The following MNAT1 variants were observed in gnomAD, a reference collection of about 807,000 sequenced individuals.
The protein encoded by MNAT1 is CDK-activating kinase assembly factor MAT1.
MNAT1 carries 43 observed loss-of-function variants against 42.0 expected under a neutral mutation model. That is an observed-to-expected ratio of 1.02 (90% CI 0.80 to 1.32). The LOEUF is 1.32. Among genes scored for constraint, MNAT1 ranks in the 40% most tolerant of loss-of-function variants. The pLI is 0.00. For synonymous variants in MNAT1, 118 were observed against 120.0 expected (o/e 0.98, Z 0.11); for missense variants, 306 against 350.4 (o/e 0.87, Z 1.01).
At chr14:60,952,420 G>A (rs1566577067) in intron 7 of MNAT1, among the ~76,000 whole-genome samples, 1 of 152,172 alleles carries the variant, frequency 6.6e-6, no homozygotes, top group Non-Finnish European at 1.5e-5. Context: ...TGTAAATAGG[G>A]AGATCAATTA....
At chr14:60,930,052 C>T (rs891398830) in intron 7 of MNAT1, among the ~76,000 whole-genome samples, 1 of 151,780 alleles carries the variant, frequency 6.6e-6, no homozygotes, top group Non-Finnish European at 1.5e-5. Context: ...AAACTGGCTT[C>T]CTTAATTACT....
At chr14:60,843,038 A>G (rs1038653941) in intron 6 of MNAT1, among the ~76,000 whole-genome samples, 2 of 152,198 alleles carry the variant, frequency 1.3e-5, no homozygotes, top group East Asian at 1.9e-4. Flanking sequence ...CTGTTTAGCA[A>G]TTCTCTTGTT....
At chr14:60,785,167 A>C (rs1352081218) in intron 1 of MNAT1, among the ~76,000 whole-genome samples, 13 of 152,226 alleles carry the variant, frequency 8.5e-5, no homozygotes, top group Admixed American at 8.5e-4. Flanking sequence ...GTGAACATTT[A>C]CTATGTATCA....
intron 6 of MNAT1, among the ~76,000 whole-genome samples, chr14:60,877,491 A>G (rs113835985): frequency 2.0e-5 from 3 of 152,222 alleles, no homozygotes; most frequent in African/African-American, 4.8e-5. Context: ...AATAAAATAG[A>G]TAATGTGTAC....
intron 1 of MNAT1, among the ~76,000 whole-genome samples, chr14:60,766,732 G>A (rs1464522647): frequency 1.3e-5 from 2 of 152,120 alleles, no homozygotes; most frequent in Non-Finnish European, 2.9e-5. Flanking sequence ...ATCTTTTTGA[G>A]AAACTTTTAG....
chr14:60,838,153 T>C (rs561277505), intron 6 of MNAT1, among the ~76,000 whole-genome samples: 2 of 152,204 alleles, frequency 1.3e-5, no homozygotes, highest in South Asian at 4.2e-4. Context: ...TTCTTTTTTT[T>C]AGGCAGTATC....
chr14:60,824,411 G>T (rs1017786778), intron 6 of MNAT1, among the ~76,000 whole-genome samples: 8 of 152,062 alleles, frequency 5.3e-5, no homozygotes, highest in Non-Finnish European at 5.9e-5. Flanking sequence ...TATGATTGTG[G>T]CTATGTAGGT....
chr14:60,741,714 C>T (rs1379696290), intron 1 of MNAT1, among the ~76,000 whole-genome samples: 2 of 115,154 alleles, frequency 1.7e-5, no homozygotes, highest in Non-Finnish European at 1.7e-5. Flanking sequence ...TGCTATGTTT[C>T]CCAAGCTGGT....
At chr14:60,881,221 G>A (rs1053822906) in intron 7 of MNAT1, among the ~76,000 whole-genome samples, 1 of 152,098 alleles carries the variant, frequency 6.6e-6, no homozygotes, top group Admixed American at 6.5e-5. Context: ...GTCTCACTTT[G>A]TCACCCAGGC....
At chr14:60,774,851 G>A (rs1196454877) in intron 1 of MNAT1, among the ~76,000 whole-genome samples, 1 of 152,192 alleles carries the variant, frequency 6.6e-6, no homozygotes, top group Non-Finnish European at 1.5e-5. Flanking sequence ...GGGAGGAGCA[G>A]ATAGAGCAGT....
At chr14:60,739,571 C>G (rs114086922) in intron 1 of MNAT1, among the ~76,000 whole-genome samples, 290 of 152,206 alleles carry the variant, frequency 1.9e-3, no homozygotes, top group African/African-American at 6.8e-3. Context: ...TTATTAAATA[C>G]CTTTGTCTCT....
At chr14:60,964,178 T>C (rs529720282) in intron 7 of MNAT1, among the ~76,000 whole-genome samples, 23 of 152,324 alleles carry the variant, frequency 1.5e-4, no homozygotes, top group African/African-American at 5.3e-4. Flanking sequence ...CTGCAAAATA[T>C]AACACAAGAA....
chr14:60,814,173 A>C (rs2032640710), intron 5 of MNAT1, among the ~76,000 whole-genome samples: 2 of 152,156 alleles, frequency 1.3e-5, no homozygotes, highest in South Asian at 4.1e-4. Flanking sequence ...CTTTGTGACA[A>C]TATATTTTAT....
At chr14:60,780,347 A>G in intron 1 of MNAT1, 2 of 1,572,368 alleles carry the variant, frequency 1.3e-6, no homozygotes, top group Non-Finnish European at 1.8e-6. Context: ...TCAGAAAGCT[A>G]TTCAGGATGA....
At chr14:60,837,133 G>A (rs1442336475) in intron 6 of MNAT1, among the ~76,000 whole-genome samples, 1 of 152,206 alleles carries the variant, frequency 6.6e-6, no homozygotes, top group African/African-American at 2.4e-5. Context: ...AGAATTTCAA[G>A]CCAGTGTTTC....
chr14:60,895,160 T>C (rs1212741797), intron 7 of MNAT1, among the ~76,000 whole-genome samples: 1 of 152,230 alleles, frequency 6.6e-6, no homozygotes, highest in African/African-American at 2.4e-5. Context: ...TACTTAGATA[T>C]GTGCCAAAGT....
chr14:60,900,898 A>T (rs1279693305), intron 7 of MNAT1, among the ~76,000 whole-genome samples: 1 of 150,960 alleles, frequency 6.6e-6, no homozygotes, highest in African/African-American at 2.4e-5. Context: ...GAGGTGGGAG[A>T]ATCACCTGAG....
At chr14:60,956,588 G>A (rs528648537) in intron 7 of MNAT1, among the ~76,000 whole-genome samples, 208 of 152,222 alleles carry the variant, frequency 1.4e-3, no homozygotes, top group African/African-American at 4.7e-3. Context: ...TCCATTGTTC[G>A]AAGTGAAATG....
intron 7 of MNAT1, among the ~76,000 whole-genome samples, chr14:60,932,036 G>A (rs529509962): frequency 6.6e-6 from 1 of 151,692 alleles, no homozygotes; most frequent in Admixed American, 6.6e-5. Flanking sequence ...AATTTTTTCT[G>A]ATAAAAACTT....
Sources: gnomAD v4.1 joint callset for allele counts (sites outside exome capture counted in the v4.1 genomes callset) on GRCh38, gnomAD v4.1.1 for gene constraint, MANE v1.5 for transcripts, NCBI Gene and HGNC (gene_info 2026-07-23, HGNC 2026-07-21) for gene names.